Variants in NDUFAF6 observed in about 807,000 individuals in gnomAD.
NDUFAF6 encodes the protein NADH:ubiquinone oxidoreductase complex assembly factor 6, also known as NADH dehydrogenase (ubiquinone) complex I, assembly factor 6.
NDUFAF6 carries 45 observed loss-of-function variants against 40.8 expected under a neutral mutation model. That is an observed-to-expected ratio of 1.10 (90% CI 0.87 to 1.42). The LOEUF is 1.42. Among genes scored for constraint, NDUFAF6 ranks in the 40% most tolerant of loss-of-function variants. The pLI is 0.00. For missense variants in NDUFAF6, 435 were observed against 418.5 expected, an observed-to-expected ratio of 1.04 and a Z score of -0.34; for synonymous variants, 185 against 155.9, an observed-to-expected ratio of 1.19 and a Z score of -1.39.
intron 1 of NDUFAF6, among the ~76,000 whole-genome samples, chr8:95,029,696 T>C (rs1454536476): frequency 1.3e-5 from 2 of 152,272 alleles, no homozygotes; most frequent in Admixed American, 6.5e-5. Flanking sequence ...TTGAAGAGAA[T>C]AGGCCAGTTA....
intron 8 of NDUFAF6, among the ~76,000 whole-genome samples, chr8:95,056,152 C>A (rs28411864): frequency 0.031 from 4,686 of 150,766 alleles, 241 homozygotes; most frequent in African/African-American, 0.11. Flanking sequence ...CCTATAGTAC[C>A]TTCACTTCAC....
intron 3 of NDUFAF6, among the ~76,000 whole-genome samples, chr8:95,039,406 T>C (rs1029440801): frequency 4.6e-5 from 7 of 151,420 alleles, no homozygotes; most frequent in Admixed American, 3.9e-4. Context: ...TGAGCCAAGA[T>C]TGCGCCATTG....
rs1283547696 is a variant in NDUFAF6 at position 94,967,656 on chromosome 8, G to A, written c.-199+9477G>A. The stretch of plus-strand genomic sequence containing the variant: ...GGCTGCTATCAAAATGTCAGCCACC[G>A]CACCACGGGCGCGGTGGCTCACGTC... On this transcript the variant is annotated intron_variant, in intron 1 of 9. Transcript: ENST00000396111. Among the ~76,000 whole-genome samples the A allele has an allele frequency of 4.0e-5, 6 of 151,742 alleles. No homozygotes were observed. The East Asian group carries it at 7.8e-4, about 20-fold the overall frequency.
chr8:94,922,502 A>G (rs938118960), intron 1 of NDUFAF6, among the ~76,000 whole-genome samples: 2 of 145,568 alleles, frequency 1.4e-5, no homozygotes, highest in African/African-American at 5.1e-5. Flanking sequence ...TTTTTGAGGC[A>G]GAGTCTCACT....
intron 8 of NDUFAF6, among the ~76,000 whole-genome samples, chr8:95,056,447 A>G (rs1278038331): frequency 1.3e-5 from 2 of 151,984 alleles, no homozygotes; most frequent in African/African-American, 4.8e-5. Context: ...TCTTGAGCTC[A>G]AACAATCCAC....
chr8:94,960,043 A>C (rs1299364719), intron 1 of NDUFAF6, among the ~76,000 whole-genome samples: 3 of 152,222 alleles, frequency 2.0e-5, no homozygotes, highest in Non-Finnish European at 4.4e-5. Flanking sequence ...TCAATGAGTA[A>C]ACCTTGGCTT....
chr8:94,960,003 A>G (rs893042999), intron 1 of NDUFAF6, among the ~76,000 whole-genome samples: 4 of 152,216 alleles, frequency 2.6e-5, no homozygotes, highest in African/African-American at 9.7e-5. Context: ...CAGCACTTGC[A>G]TGTCCGAGTC....
chr8:94,981,676 T>C (rs895782236), intron 2 of NDUFAF6, among the ~76,000 whole-genome samples: 6 of 152,220 alleles, frequency 3.9e-5, no homozygotes, highest in African/African-American at 1.4e-4. Flanking sequence ...GGTCAAACTA[T>C]GCTTACGGCA....
chr8:94,973,316 A>AAAAAT (rs144731528), intron 1 of NDUFAF6, among the ~76,000 whole-genome samples: 19,726 of 151,888 alleles, frequency 0.13, 1,590 homozygotes, highest in Middle Eastern at 0.22. Context: ...TTCTGTCTCA[A>AAAAAT]AAAATAAAAT....
At chr8:95,086,610 T>C (rs992748010) in intron 2 of NDUFAF6, among the ~76,000 whole-genome samples, 1 of 150,536 alleles carries the variant, frequency 6.6e-6, no homozygotes, top group Non-Finnish European at 1.5e-5. Context: ...TTTCTTTTTT[T>C]TTTTTTTTTC....
At chr8:95,071,282 C>T (rs1398892331) in intron 9 of NDUFAF6, among the ~76,000 whole-genome samples, 5 of 151,584 alleles carry the variant, frequency 3.3e-5, no homozygotes, top group Non-Finnish European at 5.9e-5. Flanking sequence ...CCTGTAGTCC[C>T]AGCTACTCGG....
intron 1 of NDUFAF6, among the ~76,000 whole-genome samples, chr8:94,923,904 G>T (rs1205946124): frequency 1.3e-5 from 2 of 149,984 alleles, no homozygotes; most frequent in East Asian, 4.0e-4. Flanking sequence ...TGGCCAGGCT[G>T]GTCTCAAACT....
chr8:95,059,479 A>G (rs1563845986), downstream of NDUFAF6, among the ~76,000 whole-genome samples: 2 of 152,326 alleles, frequency 1.3e-5, no homozygotes, highest in Non-Finnish European at 1.5e-5. Flanking sequence ...CTTAGTTGGT[A>G]CTGATGTTGA....
downstream of NDUFAF6, among the ~76,000 whole-genome samples, chr8:95,105,064 CACAGAGAG>C (rs1295840669): frequency 1.6e-3 from 174 of 105,770 alleles, 1 homozygote; most frequent in African/African-American, 5.6e-3. Flanking sequence ...CACACACACA[CACAGAGAG>C]AGAGAGAGAG....
chr8:94,979,914 G>A (rs992943912), intron 1 of NDUFAF6, among the ~76,000 whole-genome samples: 4 of 152,072 alleles, frequency 2.6e-5, no homozygotes, highest in Non-Finnish European at 5.9e-5. Flanking sequence ...GGCCAACATG[G>A]CAAAAACCTC....
chr8:95,048,496 G>C lies in NDUFAF6; in HGVS notation c.754G>C (p.Asp252His), dbSNP rs1301242933. ...AGAGGACTTTCTACGGAGGAACCAA[G>C]ATAAAAATGTGAGAGATGTAATATA... is the stretch of plus-strand genomic sequence containing the variant. ...SQEDFLRRNQ[D>H]KNVRDVIYDI... The change falls in exon 7 of 9, where the codon GAT (aspartate) becomes CAT (histidine). Residue 252 changes from aspartate (D) to histidine (H), a missense_variant. Physicochemically the swap from Asp to His is moderately conservative, Grantham distance 81. Transcript: ENST00000396124. 1 of 1,614,096 alleles carries C rather than the reference G, an allele frequency of 6.2e-7. No homozygotes were observed. Among genetic ancestry groups the C allele is most frequent in the Admixed American group, 1.7e-5 (1 of 60,018 alleles).
intron 2 of NDUFAF6, among the ~76,000 whole-genome samples, chr8:95,093,362 A>G (rs1422611262): frequency 6.6e-6 from 1 of 152,214 alleles, no homozygotes; most frequent in Non-Finnish European, 1.5e-5. Context: ...CTGAAACATG[A>G]CAATGTGTGA....
intron 9 of NDUFAF6, among the ~76,000 whole-genome samples, chr8:95,075,239 C>T (rs1432253483): frequency 1.3e-5 from 2 of 152,164 alleles, no homozygotes; most frequent in Non-Finnish European, 2.9e-5. Context: ...ACCATGGACA[C>T]AAGACGTGAC....
chr8:95,113,116 G>T (rs574976548), intron 4 of NDUFAF6, among the ~76,000 whole-genome samples: 1 of 152,192 alleles, frequency 6.6e-6, no homozygotes, highest in Non-Finnish European at 1.5e-5. Flanking sequence ...GTGATGTGCC[G>T]GAGGTCACAC....
Sources: allele counts gnomAD v4.1 joint callset (sites outside exome capture counted in the v4.1 genomes callset), GRCh38; gene constraint gnomAD v4.1.1; transcripts MANE v1.5; gene names NCBI Gene and HGNC (gene_info 2026-07-23, HGNC 2026-07-21).